The following GRIN2A variants were observed in gnomAD, a reference collection of about 807,000 sequenced individuals.
GRIN2A encodes glutamate receptor ionotropic, NMDA 2A.
Under a neutral mutation model 113.4 loss-of-function variants are expected in GRIN2A, and 22 were observed. The observed-to-expected ratio is 0.19, with a 90% CI of 0.14 to 0.28. GRIN2A has a LOEUF of 0.28. Among genes scored for constraint, GRIN2A ranks in the 10% least tolerant of loss-of-function variants. The pLI is 1.00. For missense variants in GRIN2A, 1,502 were observed against 1,887.0 expected (o/e 0.80, Z 3.78); for synonymous variants, 827 against 738.4 (o/e 1.12, Z -1.94).
chr16:10,096,774 C>T (rs1340393940), intron 2 of GRIN2A, among the ~76,000 whole-genome samples: 1 of 152,142 alleles, frequency 6.6e-6, no homozygotes, highest in African/African-American at 2.4e-5. Context: ...CCTTGTACTT[C>T]CCCTACTGGT....
At chr16:9,784,457 A>C (rs1804298045) in intron 11 of GRIN2A, among the ~76,000 whole-genome samples, 2 of 150,268 alleles carry the variant, frequency 1.3e-5, no homozygotes, top group South Asian at 4.2e-4. Context: ...AAAAAAACAA[A>C]CAAACAAAAA....
intron 3 of GRIN2A, among the ~76,000 whole-genome samples, chr16:9,934,300 G>C (rs2044662144): frequency 6.6e-6 from 1 of 152,126 alleles, no homozygotes; most frequent in Admixed American, 6.5e-5. Flanking sequence ...GGTGTTTGAG[G>C]AGAGAAATTA....
intron 2 of GRIN2A, among the ~76,000 whole-genome samples, chr16:10,101,517 T>C (rs6497684): frequency 0.5 from 76,461 of 152,138 alleles, 19,425 homozygotes; most frequent in South Asian, 0.55. Context: ...ACAGCAGATG[T>C]TGGGGCTTCG....
chr16:10,019,117 A>AGCTG (rs2046667295), intron 2 of GRIN2A, among the ~76,000 whole-genome samples: 1 of 151,182 alleles, frequency 6.6e-6, no homozygotes, highest in Non-Finnish European at 1.5e-5. Context: ...AAATTGCAGG[A>AGCTG]TCTGTGCCTC....
At chr16:9,822,457 T>C (rs2042306259) in intron 9 of GRIN2A, 33 bp from the exon 10 acceptor site, 1 of 1,443,210 alleles carries the variant, frequency 6.9e-7, no homozygotes, top group Non-Finnish European at 9.7e-7. Context: ...AGAGAGAGAG[T>C]AGGAAAAGAA....
Position 9,761,466 on chromosome 16 carries a change from G to T in GRIN2A, c.*1683C>A, listed in dbSNP as rs1900579217. The T allele has an allele frequency of 4.3e-6, 1 of 230,608 alleles. No individual in the cohort carries two copies. Among genetic ancestry groups the T allele is most frequent in the African/African-American group, 2.2e-5 (1 of 45,158 alleles). 14.3% of individuals were successfully genotyped at this position (230,608 alleles called of 1,614,324 possible). A position where few individuals can be genotyped will look rare whatever the true frequency, so the allele number is the denominator to read the frequency against. On this transcript the variant is annotated 3_prime_UTR_variant, in exon 13 of 13. Coordinates refer to ENST00000330684, the MANE Select transcript of GRIN2A (RefSeq NM_001134407.3). ...ACTGAGGTCTTCTGCAAACACTGAT[G>T]GCTAGTTATCCCAAATACTTCAAAA...
chr16:9,986,635 G>C (rs2045983635), intron 2 of GRIN2A, among the ~76,000 whole-genome samples: 1 of 151,650 alleles, frequency 6.6e-6, no homozygotes, highest in South Asian at 2.1e-4. Flanking sequence ...CGTGCTGGCG[G>C]GTGCCTGTAA....
At chr16:9,925,134 TG>T (rs1297567165) in intron 3 of GRIN2A, among the ~76,000 whole-genome samples, 1 of 152,278 alleles carries the variant, frequency 6.6e-6, no homozygotes, top group Non-Finnish European at 1.5e-5. Flanking sequence ...CACTGAGCTC[TG>T]TTCTAGAGTG....
intron 2 of GRIN2A, among the ~76,000 whole-genome samples, chr16:9,997,723 A>C (rs554771838): frequency 1.7e-3 from 258 of 152,322 alleles, no homozygotes; most frequent in Non-Finnish European, 3.0e-3. Flanking sequence ...GGAGGGACCC[A>C]GTGGGAGGTA....
At chr16:9,988,482 A>T (rs1436407501) in intron 2 of GRIN2A, among the ~76,000 whole-genome samples, 1 of 152,116 alleles carries the variant, frequency 6.6e-6, no homozygotes, top group Non-Finnish European at 1.5e-5. Flanking sequence ...CCCCAAGTCT[A>T]TATCAAATCC....
intron 2 of GRIN2A, among the ~76,000 whole-genome samples, chr16:10,092,831 A>C (rs2048205917): frequency 6.6e-6 from 1 of 150,776 alleles, no homozygotes; most frequent in South Asian, 2.1e-4. Context: ...TATACATAAA[A>C]GATAAGGTAA....
chr16:9,796,093 G>A (rs1234082102), intron 11 of GRIN2A, among the ~76,000 whole-genome samples: 1 of 152,190 alleles, frequency 6.6e-6, no homozygotes, highest in Non-Finnish European at 1.5e-5. Context: ...AATGCATCCA[G>A]TATGATGATT....
intron 2 of GRIN2A, among the ~76,000 whole-genome samples, chr16:10,077,760 C>G (rs1192320463): frequency 1.3e-5 from 2 of 152,206 alleles, no homozygotes. Context: ...CACCTCAGGG[C>G]CTTTGCATAT....
intron 2 of GRIN2A, among the ~76,000 whole-genome samples, chr16:9,966,322 A>G (rs1390298959): frequency 6.6e-6 from 1 of 152,010 alleles, no homozygotes; most frequent in Non-Finnish European, 1.5e-5. Context: ...CTATGTGTCC[A>G]TGTGTTCTCA....
At chr16:9,976,953 A>G (rs2045785806) in intron 2 of GRIN2A, among the ~76,000 whole-genome samples, 1 of 152,192 alleles carries the variant, frequency 6.6e-6, no homozygotes, top group East Asian at 1.9e-4. Context: ...CACTGCTGTA[A>G]ATAAGATTCA....
intron 2 of GRIN2A, among the ~76,000 whole-genome samples, chr16:10,069,451 T>C (rs1007538171): frequency 6.6e-6 from 1 of 152,158 alleles, no homozygotes; most frequent in African/African-American, 2.4e-5. Flanking sequence ...CAGGCTCAAG[T>C]GGTAGAGCAA....
At chr16:10,032,717 C>A (rs987451929) in intron 2 of GRIN2A, among the ~76,000 whole-genome samples, 5 of 152,172 alleles carry the variant, frequency 3.3e-5, no homozygotes, top group African/African-American at 1.2e-4. Flanking sequence ...TGCCGGTCTC[C>A]ACTCTGAGCC....
intron 2 of GRIN2A, among the ~76,000 whole-genome samples, chr16:10,051,641 T>G (rs953923751): frequency 6.6e-6 from 1 of 152,190 alleles, no homozygotes; most frequent in South Asian, 2.1e-4. Flanking sequence ...ATTGCCGAAT[T>G]CACACAACTT....
chr16:10,019,895 A>G (rs2046683709), intron 2 of GRIN2A, among the ~76,000 whole-genome samples: 1 of 152,210 alleles, frequency 6.6e-6, no homozygotes, highest in South Asian at 2.1e-4. Context: ...TATACACTTG[A>G]AATTTGTGAA....
Sources: allele counts gnomAD v4.1 joint callset (sites outside exome capture counted in the v4.1 genomes callset), GRCh38; gene constraint gnomAD v4.1.1; transcripts MANE v1.5; gene names NCBI Gene and HGNC (gene_info 2026-07-23, HGNC 2026-07-21).